Variants in ANK2 observed in about 807,000 individuals in gnomAD.
ANK2 encodes ankyrin 2.
Under a neutral mutation model 360.5 loss-of-function variants are expected in ANK2, and 83 were observed. The observed-to-expected ratio is 0.23, with a 90% confidence interval of 0.19 to 0.28. The LOEUF (loss-of-function observed/expected upper bound fraction) is 0.28. Ranked by LOEUF, ANK2 falls within the 10% of genes least tolerant of loss-of-function variation. The pLI is 1.00. For synonymous variants in ANK2, 1,740 were observed against 1,759.5 expected, an observed-to-expected ratio of 0.99 and a Z score of 0.28; for missense variants, 4,201 against 4,795.7, an observed-to-expected ratio of 0.88 and a Z score of 3.66.
chr4:113,096,248 C>T (rs989804711), intron 1 of ANK2, among the ~76,000 whole-genome samples: 1 of 152,190 alleles, frequency 6.6e-6, no homozygotes, highest in Admixed American at 6.5e-5. Context: ...CTCCCAGTCT[C>T]CTCATCAATC....
intron 1 of ANK2, among the ~76,000 whole-genome samples, chr4:112,822,900 C>A (rs559238510): frequency 2.0e-5 from 3 of 151,654 alleles, no homozygotes; most frequent in Non-Finnish European, 1.5e-5. Flanking sequence ...ATTGATAGAA[C>A]AAATATATAG....
At chr4:113,202,750 T>A (rs1347340102) in intron 4 of ANK2, among the ~76,000 whole-genome samples, 2 of 152,246 alleles carry the variant, frequency 1.3e-5, no homozygotes, top group Non-Finnish European at 2.9e-5. Flanking sequence ...ATGAGATTCA[T>A]GTGAGGCTTA....
In ANK2 at chr4:113,356,368, C is replaced by T. The variant is rs952807763; in HGVS notation, c.7750C>T (p.Pro2584Ser). The change falls in exon 38 of 46, where the codon CCT (proline) becomes TCT (serine). Residue 2584 changes from proline (P) to serine (S), a missense_variant. Pro to Ser is a moderately conservative substitution (Grantham distance 74). Around this residue, in one of 4 missense-constraint regions of ANK2, gnomAD observed 2,642 missense variants for 2,714.5 expected, o/e 0.97. Coordinates refer to ENST00000357077, the MANE Select transcript of ANK2 (RefSeq NM_001148.6). ...SENGEKKRFT[P>S]EEEMFKMVTK... The stretch of plus-strand genomic sequence containing the variant: ...AAACGGGGAGAAAAAGAGGTTCACA[C>T]CTGAAGAGGAGATGTTTAAAATGGT... 3 of 1,613,938 alleles carry T rather than the reference C, an allele frequency of 1.9e-6. No individual in the cohort carries two copies. Among genetic ancestry groups the T allele is most frequent in the Non-Finnish European group, 1.7e-6 (2 of 1,180,006 alleles).
intron 25 of ANK2, 23 bp downstream of exon 25, chr4:113,317,832 G>C (rs2153836617): frequency 6.3e-7 from 1 of 1,582,930 alleles, no homozygotes; most frequent in Non-Finnish European, 8.7e-7. Context: ...TTGCCTTCAT[G>C]TCTTTGCTTT....
intron 26 of ANK2, among the ~76,000 whole-genome samples, chr4:113,321,987 C>A (rs900752542): frequency 1.3e-5 from 2 of 152,188 alleles, no homozygotes; most frequent in Non-Finnish European, 1.5e-5. Flanking sequence ...CTGCCTTGGC[C>A]TCCCAAAGTG....
At chr4:112,775,052 T>C in the ANK2 span, among the ~76,000 whole-genome samples, 2 of 152,098 alleles carry the variant, frequency 1.3e-5, no homozygotes, top group African/African-American at 2.4e-5. Flanking sequence ...AGGAGTGTGA[T>C]GGATGCTTTT....
chr4:112,996,493 A>C (rs2048555805), intron 2 of ANK2, among the ~76,000 whole-genome samples: 1 of 152,214 alleles, frequency 6.6e-6, no homozygotes, highest in South Asian at 2.1e-4. Flanking sequence ...TGCTTATAGA[A>C]TGTAATAGGA....
intron 4 of ANK2, among the ~76,000 whole-genome samples, chr4:113,214,839 A>G (rs527463909): frequency 6.6e-6 from 1 of 152,298 alleles, no homozygotes; most frequent in East Asian, 1.9e-4. Context: ...CCATGAAATC[A>G]TATCACTGTG....
At chr4:112,998,189 T>C (rs1349997432) in intron 2 of ANK2, among the ~76,000 whole-genome samples, 1 of 152,046 alleles carries the variant, frequency 6.6e-6, no homozygotes, top group East Asian at 1.9e-4. Context: ...ATAATCGCCA[T>C]TTTCAAGGTA....
intron 1 of ANK2, among the ~76,000 whole-genome samples, chr4:113,066,257 C>T (rs1024661466): frequency 2.6e-5 from 4 of 152,118 alleles, no homozygotes; most frequent in Admixed American, 6.5e-5. Flanking sequence ...TTTTGCAAGC[C>T]GACCACAGGG....
intron 2 of ANK2, among the ~76,000 whole-genome samples, chr4:112,958,401 G>A (rs2032334973): frequency 1.3e-5 from 2 of 152,196 alleles, no homozygotes; most frequent in Non-Finnish European, 2.9e-5. Context: ...AGACCAGCCC[G>A]GCCAACACAG....
chr4:113,350,869 C>T (rs897948548), intron 37 of ANK2: 1 of 151,738 alleles, frequency 6.6e-6, no homozygotes, highest in Non-Finnish European at 1.5e-5. Context: ...AGTGAAGAGC[C>T]AAGAATGCAA....
At chr4:113,376,136 G>T (rs957326470) in intron 45 of ANK2, among the ~76,000 whole-genome samples, 2 of 152,152 alleles carry the variant, frequency 1.3e-5, no homozygotes, top group African/African-American at 2.4e-5. Flanking sequence ...GGGTTTTAAT[G>T]ACAGGGATAT....
chr4:113,336,885 G>A (rs1588509109), intron 31 of ANK2, 104 bp downstream of exon 31: 4 of 1,076,954 alleles, frequency 3.7e-6, no homozygotes, highest in East Asian at 2.5e-5. Flanking sequence ...AGGGTCATAT[G>A]CATTAATTCA....
the ANK2 span, among the ~76,000 whole-genome samples, chr4:112,761,587 T>A: frequency 2.6e-5 from 4 of 151,936 alleles, no homozygotes; most frequent in Non-Finnish European, 5.9e-5. Context: ...GCCACTGCAC[T>A]CCAGCCTGGG....
At chr4:113,209,516 C>G (rs959986438) in intron 4 of ANK2, among the ~76,000 whole-genome samples, 1 of 151,896 alleles carries the variant, frequency 6.6e-6, no homozygotes, top group Admixed American at 6.5e-5. Context: ...CTGGGGCCCA[C>G]TCGCCCTGTA....
At chr4:113,150,984 G>A in intron 1 of ANK2, 1 of 993,632 alleles carries the variant, frequency 1.0e-6, no homozygotes, top group South Asian at 1.5e-5. Flanking sequence ...CCAGCTAATA[G>A]GTACTTAGTA....
intron 10 of ANK2, among the ~76,000 whole-genome samples, chr4:113,253,232 G>C (rs551644031): frequency 1.3e-5 from 2 of 152,186 alleles, no homozygotes; most frequent in African/African-American, 4.8e-5. Context: ...CTTTCCTTCT[G>C]TTTTCCTAGC....
intron 1 of ANK2, among the ~76,000 whole-genome samples, chr4:113,064,609 C>T (rs978923156): frequency 2.0e-5 from 3 of 152,156 alleles, no homozygotes; most frequent in Non-Finnish European, 2.9e-5. Context: ...TACCAACCAC[C>T]CTTACGTCAA....
Sources: allele counts gnomAD v4.1 joint callset (sites outside exome capture counted in the v4.1 genomes callset), GRCh38; gene constraint gnomAD v4.1.1; regional missense constraint gnomAD v4.1.1; transcripts MANE v1.5; gene names NCBI Gene and HGNC (gene_info 2026-07-23, HGNC 2026-07-21).